The following ATXN7 variants were observed in gnomAD, a reference collection of about 807,000 sequenced individuals.
ATXN7 encodes the protein ataxin 7, also known as ataxin-7.
A neutral mutation model predicts 70.5 loss-of-function variants in ATXN7; 12 were observed. The ratio of observed to expected loss-of-function variants is 0.17; its 90% CI spans 0.11 to 0.28. The LOEUF (loss-of-function observed/expected upper bound fraction) is 0.28. Ranked by LOEUF, ATXN7 falls within the 10% of genes least tolerant of loss-of-function variation. The pLI, the probability that ATXN7 is intolerant of heterozygous loss-of-function variation, is 1.00. For synonymous variants in ATXN7, 498 were observed against 448.7 expected, an observed-to-expected ratio of 1.11 and a Z score of -1.39; for missense variants, 1,256 against 1,131.7, an observed-to-expected ratio of 1.11 and a Z score of -1.58.
At chr3:63,995,423 C>T (rs907577936) in intron 11 of ATXN7, 82 bp from the exon 12 acceptor site, 2 of 1,477,632 alleles carry the variant, frequency 1.4e-6, no homozygotes, top group Non-Finnish European at 1.9e-6. Context: ...CTCTTTGTCA[C>T]AAGCAAAGAG....
chr3:63,969,908 A>C (rs994783855), intron 5 of ATXN7, among the ~76,000 whole-genome samples: 1 of 152,206 alleles, frequency 6.6e-6, no homozygotes, highest in Admixed American at 6.5e-5. Context: ...GAGGTATAGA[A>C]ACAGTTCAAG....
chr3:63,972,179 A>G (rs2075321830), intron 5 of ATXN7, among the ~76,000 whole-genome samples: 1 of 152,236 alleles, frequency 6.6e-6, no homozygotes, highest in Non-Finnish European at 1.5e-5. Context: ...TTGTGAAGGG[A>G]CAGCTTAATG....
intron 1 of ATXN7, among the ~76,000 whole-genome samples, chr3:63,895,363 T>C (rs1490289913): frequency 2.0e-5 from 3 of 152,198 alleles, no homozygotes; most frequent in African/African-American, 2.4e-5. Flanking sequence ...CCATGTAGCA[T>C]TGTAGGCTTT....
At chr3:63,884,537 A>AC (rs1703023685) in intron 1 of ATXN7, among the ~76,000 whole-genome samples, 3 of 152,214 alleles carry the variant, frequency 2.0e-5, no homozygotes, top group Non-Finnish European at 4.4e-5. Flanking sequence ...TTGGATAAAT[A>AC]AGCAAATGGG....
chr3:63,929,251 C>T (rs990093495), intron 4 of ATXN7, among the ~76,000 whole-genome samples: 3 of 150,438 alleles, frequency 2.0e-5, no homozygotes, highest in African/African-American at 7.4e-5. Context: ...ATCTAGGAAG[C>T]TTTCTCTCTC....
chr3:63,981,090 G>A (rs1278713502), intron 6 of ATXN7, among the ~76,000 whole-genome samples: 2 of 152,188 alleles, frequency 1.3e-5, no homozygotes, highest in African/African-American at 2.4e-5. Context: ...AGCACACATC[G>A]TAGGTCCAAG....
chr3:63,910,539 A>C (rs1437432666), intron 2 of ATXN7, among the ~76,000 whole-genome samples: 3 of 152,222 alleles, frequency 2.0e-5, no homozygotes, highest in African/African-American at 7.2e-5. Context: ...GAAAAATTGA[A>C]AATCTGCATA....
chr3:63,919,982 C>T (rs1704444159), intron 4 of ATXN7, among the ~76,000 whole-genome samples: 4 of 151,942 alleles, frequency 2.6e-5, no homozygotes, highest in Non-Finnish European at 4.4e-5. Flanking sequence ...AGAATCGCTG[C>T]CCCTGAGCTG....
At chr3:63,886,686 G>A (rs900849632) in intron 1 of ATXN7, among the ~76,000 whole-genome samples, 1 of 152,124 alleles carries the variant, frequency 6.6e-6, no homozygotes, top group African/African-American at 2.4e-5. Context: ...TCCCAAAATT[G>A]AAAGTTTATT....
At chr3:63,880,797 CA>C (rs1260711071) in intron 1 of ATXN7, among the ~76,000 whole-genome samples, 2 of 152,206 alleles carry the variant, frequency 1.3e-5, no homozygotes, top group Non-Finnish European at 2.9e-5. Flanking sequence ...CCTTCTCATT[CA>C]AAGCACTCTT....
chr3:63,912,454 C>T (rs1250420986), intron 2 of ATXN7, 134 bp from the exon 3 acceptor site: 2 of 414,512 alleles, frequency 4.8e-6, no homozygotes, highest in Middle Eastern at 1.1e-3. Context: ...GCTCGGGGGG[C>T]TGGGCGGCCA....
chr3:63,901,209 A>G (rs1703629049), intron 2 of ATXN7: 1 of 152,242 alleles, frequency 6.6e-6, no homozygotes, highest in Non-Finnish European at 1.5e-5. Flanking sequence ...AATGGCTTAA[A>G]TTAACTAATT....
Position 63,931,906 on chromosome 3 carries a change from G to A in ATXN7, c.394+18681G>A, listed in dbSNP as rs1246737134. ...AGACACAGGAAGGACGAGGGTGTGG[G>A]CTTTGAAATCAGGGATTCTCAAACT... On this transcript the variant is annotated intron_variant, in intron 4 of 12. Transcript: ENST00000674280. 2.6e-5 allele frequency among the ~76,000 whole-genome samples: 4 copies of A among 152,206 alleles called. No individual in the cohort carries two copies. In the East Asian group the frequency reaches 7.7e-4, roughly 29 times the overall value.
intron 4 of ATXN7, among the ~76,000 whole-genome samples, chr3:63,930,422 C>T (rs759024548): frequency 1.5e-4 from 23 of 152,182 alleles, no homozygotes; most frequent in Non-Finnish European, 5.9e-5. Flanking sequence ...ACAGCTTTCC[C>T]TGGAAGGCCT....
At chr3:63,941,420 G>T (rs2074766383) in intron 4 of ATXN7, among the ~76,000 whole-genome samples, 1 of 152,158 alleles carries the variant, frequency 6.6e-6, no homozygotes, top group African/African-American at 2.4e-5. Context: ...ATTGTGAACT[G>T]CACGTGCAAG....
At chr3:63,907,458 T>C (rs1195914114) in intron 2 of ATXN7, among the ~76,000 whole-genome samples, 2 of 105,114 alleles carry the variant, frequency 1.9e-5, no homozygotes, top group East Asian at 5.3e-4. Flanking sequence ...TTCCTTGTCT[T>C]TTTTTTTTTT....
chr3:63,982,893 A>G (rs750091665), intron 7 of ATXN7, 46 bp from the exon 8 acceptor site: 22 of 1,422,700 alleles, frequency 1.5e-5, no homozygotes, highest in Non-Finnish European at 2.0e-6. Flanking sequence ...AAATACATGG[A>G]GGAGAGTTTG....
intron 1 of ATXN7, among the ~76,000 whole-genome samples, chr3:63,892,308 T>C (rs750294373): frequency 4.0e-5 from 6 of 151,872 alleles, no homozygotes; most frequent in African/African-American, 7.3e-5. Context: ...TGGTAGACTA[T>C]TGGGGAACAA....
At chr3:63,964,844 A>G (rs2075193292) in intron 5 of ATXN7, among the ~76,000 whole-genome samples, 1 of 152,180 alleles carries the variant, frequency 6.6e-6, no homozygotes, top group East Asian at 1.9e-4. Flanking sequence ...TCCCCTTTCA[A>G]GTGCTCCTTG....
Sources: allele counts gnomAD v4.1 joint callset (sites outside exome capture counted in the v4.1 genomes callset), GRCh38; gene constraint gnomAD v4.1.1; transcripts MANE v1.5; gene names NCBI Gene and HGNC (gene_info 2026-07-23, HGNC 2026-07-21).